BAD: variants seen among roughly 807,000 people sequenced by gnomAD.
The protein encoded by BAD is bcl2-associated agonist of cell death.
BAD carries 18 observed loss-of-function variants against 17.8 expected under a neutral mutation model. The observed-to-expected ratio is 1.01, with a 90% CI of 0.70 to 1.50. The LOEUF (loss-of-function observed/expected upper bound fraction) is 1.50, where lower values mean the gene tolerates loss of function less well. Among genes scored for constraint, BAD ranks in the 40% most tolerant of loss-of-function variants. The pLI, the probability that BAD is intolerant of heterozygous loss-of-function variation, is 0.00. For synonymous variants in BAD, 112 were observed against 91.5 expected, an observed-to-expected ratio of 1.22 and a Z score of -1.28; for missense variants, 294 against 239.3, an observed-to-expected ratio of 1.23 and a Z score of -1.51.
At chr11:64,279,256 C>G (rs1014740070) in intron 2 of BAD, among the ~76,000 whole-genome samples, 1 of 152,038 alleles carries the variant, frequency 6.6e-6, no homozygotes. Context: ...GATCATGCCC[C>G]CGGGACCCCA....
intron 2 of BAD, among the ~76,000 whole-genome samples, chr11:64,281,478 A>C (rs1161338700): frequency 1.3e-5 from 2 of 152,214 alleles, no homozygotes; most frequent in African/African-American, 4.8e-5. Flanking sequence ...CTCAAAGGCA[A>C]TGCCAGAGTC....
chr11:64,278,365 A>G (rs2033206692), intron 2 of BAD, among the ~76,000 whole-genome samples: 1 of 148,684 alleles, frequency 6.7e-6, no homozygotes, highest in Non-Finnish European at 1.5e-5. Context: ...TCCATCTTGG[A>G]AAAAAAAATT....
At chr11:64,276,889 G>T (rs1484463269) in intron 2 of BAD, 1 of 754,600 alleles carries the variant, frequency 1.3e-6, no homozygotes, top group South Asian at 1.4e-5. Context: ...AGTGCCCCAG[G>T]CCCCAGCATG....
chr11:64,276,784 C>T (rs574622956), intron 2 of BAD: 8 of 628,440 alleles, frequency 1.3e-5, no homozygotes, highest in African/African-American at 7.3e-5. Context: ...TGGGTGTGAA[C>T]GTGGGTGGGT....
intron 2 of BAD, chr11:64,276,932 G>A: frequency 1.3e-6 from 1 of 761,388 alleles, no homozygotes; most frequent in Non-Finnish European, 2.4e-6. Flanking sequence ...TGCGTGTTGG[G>A]CTTCTGAGTC....
At position 64,274,992 on chromosome 11, in the gene BAD, CAAAAA is replaced by C. The variant is rs34418386; in HGVS notation, c.188-3194_188-3190del. On this transcript the variant is annotated intron_variant, in intron 2 of 3. Transcript: ENST00000309032. Reference sequence around the variant, plus strand: ...TGGGAGACAGAGTGAGACTTTGTCTCAAAAAAAAAAAAAAAAAAAAAAAGCGAGTA... The same window carrying C: ...TGGGAGACAGAGTGAGACTTTGTCTCAAAAAAAAAAAAAAAAAAGCGAGTA... Among the ~76,000 whole-genome samples the C allele has an allele frequency of 2.6e-4, 14 of 54,400 alleles. No individual in the cohort carries two copies. In the South Asian group the frequency reaches 8.1e-3, roughly 31 times the overall value. 35.7% of individuals were successfully genotyped at this position (54,400 alleles called of 152,430 possible).
chr11:64,270,191 C>T lies in BAD; in HGVS notation c.*18G>A, dbSNP rs768575949. 77 of 1,613,824 alleles carry T rather than the reference C, an allele frequency of 4.8e-5. No homozygotes were observed. Among genetic ancestry groups the T allele is most frequent in the Non-Finnish European group, 5.9e-5 (70 of 1,179,956 alleles). On this transcript the variant is annotated 3_prime_UTR_variant, in exon 4 of 4. Transcript: ENST00000309032. ...AGGGCAGTGGGAACGGGTGGAGTTT[C>T]GGGATGTGGAGCGAAGGTCACTGGG...
chr11:64,279,595 G>A (rs904817169), intron 2 of BAD, among the ~76,000 whole-genome samples: 2 of 150,118 alleles, frequency 1.3e-5, no homozygotes, highest in South Asian at 4.2e-4. Flanking sequence ...TGAAACCCCC[G>A]TCTCCACTAA....
In BAD at chr11:64,270,027, G is replaced by T. The variant is rs1171441005; in HGVS notation, c.*182C>A. 1 of 1,212,102 alleles carries T rather than the reference G, an allele frequency of 8.3e-7. No individual in the cohort carries two copies. Among genetic ancestry groups the T allele is most frequent in the Non-Finnish European group, 1.2e-6 (1 of 861,802 alleles). 75.1% of individuals were successfully genotyped at this position (1,212,102 alleles called of 1,614,324 possible). ...TGTGGGCGGAAAACCCAAAACTTCC[G>T]ATGGGACCAAGCCTTCCGTGGCTTC... On this transcript the variant is annotated 3_prime_UTR_variant, in exon 4 of 4. Transcript: ENST00000309032.
At chr11:64,284,438 C>T in intron 1 of BAD, 62 bp from the exon 2 acceptor site, 1 of 1,605,014 alleles carries the variant, frequency 6.2e-7, no homozygotes, top group Non-Finnish European at 8.5e-7. Context: ...CCCTGGAAGG[C>T]AGAGGCAGGT....
At chr11:64,282,444 A>G (rs1164578021) in intron 2 of BAD, among the ~76,000 whole-genome samples, 1 of 152,180 alleles carries the variant, frequency 6.6e-6, no homozygotes, top group African/African-American at 2.4e-5. Flanking sequence ...TCTACAAAAA[A>G]TAAAAAATGA....
In BAD at chr11:64,270,102, C is replaced by T. The variant is rs747666044; in HGVS notation, c.*107G>A. 1 of 1,552,580 alleles carries T rather than the reference C, an allele frequency of 6.4e-7. No homozygotes were observed. The highest frequency in any genetic ancestry group is 1.8e-5 in the Admixed American group (1 of 54,536). ...TCAGCCCTCCCTCCAAAGGAGACAGCACGGATCCTCTTTTTGCATAGGCCT... is the reference window on the plus strand; with the variant it reads ...TCAGCCCTCCCTCCAAAGGAGACAGTACGGATCCTCTTTTTGCATAGGCCT... On this transcript the variant is annotated 3_prime_UTR_variant, in exon 4 of 4. Coordinates refer to ENST00000309032, the MANE Select transcript of BAD (RefSeq NM_032989.3).
In BAD at chr11:64,270,036, A is replaced by C; in HGVS notation, c.*173T>G. 8.0e-7 allele frequency: 1 copy of C among 1,254,128 alleles called. No individual in the cohort carries two copies. The highest frequency in any genetic ancestry group is 1.1e-6 in the Non-Finnish European group (1 of 895,928). 77.7% of individuals were successfully genotyped at this position (1,254,128 alleles called of 1,614,324 possible). A position where few individuals can be genotyped will look rare whatever the true frequency, so the allele number is the denominator to read the frequency against. ...AAAACCCAAAACTTCCGATGGGACC[A>C]AGCCTTCCGTGGCTTCACACGCACC... On this transcript the variant is annotated 3_prime_UTR_variant, in exon 4 of 4. Coordinates refer to ENST00000309032, the MANE Select transcript of BAD (RefSeq NM_032989.3).
Position 64,284,336 on chromosome 11 carries a change from C to A in BAD, c.33G>T (p.Glu11Asp), listed in dbSNP as rs1230177691. 6.2e-7 allele frequency: 1 copy of A among 1,612,790 alleles called. No individual in the cohort carries two copies. Among genetic ancestry groups the A allele is most frequent in the African/African-American group, 1.3e-5 (1 of 74,934 alleles). Residue 11 changes from glutamate to aspartate, a missense_variant, in exon 2 of 4, where the codon GAG becomes GAT. Coordinates refer to ENST00000309032, the MANE Select transcript of BAD (RefSeq NM_032989.3). MFQIPEFEPS[E>D]QEDSSSAERG... is the part of the protein sequence containing the mutation. Reference sequence around the variant, plus strand: ...TCTCTGCAGAGCTGGAGTCTTCCTGCTCACTCGGCTCAAACTCTGGGATCT... The same window carrying A: ...TCTCTGCAGAGCTGGAGTCTTCCTGATCACTCGGCTCAAACTCTGGGATCT...
At chr11:64,275,612 G>A (rs1006438150) in intron 2 of BAD, 1 of 152,196 alleles carries the variant, frequency 6.6e-6, no homozygotes, top group African/African-American at 2.4e-5. Flanking sequence ...CAGAGGCAGA[G>A]GTTAAGAACT....
intron 2 of BAD, among the ~76,000 whole-genome samples, chr11:64,282,241 T>G (rs567227786): frequency 3.0e-4 from 45 of 151,986 alleles, no homozygotes; most frequent in African/African-American, 1.0e-3. Flanking sequence ...TGAGTGTGTG[T>G]GGGGGGCAGA....
chr11:64,277,151 A>G, intron 2 of BAD: 1 of 603,856 alleles, frequency 1.7e-6, no homozygotes, highest in Non-Finnish European at 3.0e-6. Context: ...GGAGCAGTGA[A>G]GCTCTGCCAT....
Position 64,271,602 on chromosome 11 carries a change from C to G in BAD, c.378+11G>C. 1.4e-6 allele frequency: 2 copies of G among 1,428,974 alleles called. No homozygotes were observed. Among genetic ancestry groups the G allele is most frequent in the Non-Finnish European group, 1.8e-6 (2 of 1,088,622 alleles). The allele number at this position is 1,428,974 out of a possible 1,614,324, so 88.5% of individuals were successfully genotyped here. A position where few individuals can be genotyped will look rare whatever the true frequency, so the allele number is the denominator to read the frequency against. Reference sequence around the variant, plus strand: ...ACTTCAGGTCCTGGCACGCTGGGGACTGGCGCTCACCTTAAAGGAGTCCAC... The same window carrying G: ...ACTTCAGGTCCTGGCACGCTGGGGAGTGGCGCTCACCTTAAAGGAGTCCAC... On this transcript the variant is annotated intron_variant, in intron 3 of 3. Transcript: ENST00000309032.
At chr11:64,271,563 G>A (rs771769781) in intron 3 of BAD, 50 bp downstream of exon 3, 7 of 1,364,488 alleles carry the variant, frequency 5.1e-6, no homozygotes, top group South Asian at 3.4e-5. Flanking sequence ...CAGACCGGCG[G>A]GGGGCGGCCT....
Sources: gnomAD v4.1 joint callset for allele counts (sites outside exome capture counted in the v4.1 genomes callset) on GRCh38, gnomAD v4.1.1 for gene constraint, MANE v1.5 for transcripts, NCBI Gene and HGNC (gene_info 2026-07-23, HGNC 2026-07-21) for gene names.